MGAT4C: variants seen among roughly 807,000 people sequenced by gnomAD.
MGAT4C encodes the protein alpha-1,3-mannosyl-glycoprotein 4-beta-N-acetylglucosaminyltransferase C.
Under a neutral mutation model 40.1 loss-of-function variants are expected in MGAT4C, and 19 were observed. The observed-to-expected ratio is 0.47, with a 90% CI of 0.33 to 0.70. MGAT4C has a LOEUF of 0.70. MGAT4C is among the 30% of genes least tolerant of loss of function. MGAT4C has a pLI of 0.02. For synonymous variants in MGAT4C, 181 were observed against 187.1 expected, an observed-to-expected ratio of 0.97 and a Z score of 0.27; for missense variants, 491 against 563.2, an observed-to-expected ratio of 0.87 and a Z score of 1.30.
chr12:86,790,883 G>A (rs1444961315), intron 1 of MGAT4C, among the ~76,000 whole-genome samples: 1 of 151,980 alleles, frequency 6.6e-6, no homozygotes, highest in African/African-American at 2.4e-5. Context: ...CAAATACCCA[G>A]TGTTTTTAAT....
chr12:86,131,622 CT>C (rs1175901494), intron 1 of MGAT4C, among the ~76,000 whole-genome samples: 2 of 151,844 alleles, frequency 1.3e-5, no homozygotes, highest in Non-Finnish European at 2.9e-5. Context: ...TGAATTTTTA[CT>C]GGCTTTATGT....
intron 1 of MGAT4C, among the ~76,000 whole-genome samples, chr12:86,835,837 C>T (rs751667076): frequency 6.6e-5 from 10 of 151,746 alleles, no homozygotes; most frequent in Admixed American, 3.9e-4. Flanking sequence ...TATACATTTA[C>T]ACAGCCAAAA....
chr12:85,992,449 G>A (rs1311084817), intron 2 of MGAT4C, among the ~76,000 whole-genome samples: 1 of 152,206 alleles, frequency 6.6e-6, no homozygotes, highest in Non-Finnish European at 1.5e-5. Flanking sequence ...TTAGGGTGTT[G>A]GCACTTGGAC....
At chr12:86,030,738 C>A (rs951486524) in intron 2 of MGAT4C, among the ~76,000 whole-genome samples, 3 of 151,520 alleles carry the variant, frequency 2.0e-5, no homozygotes, top group Non-Finnish European at 4.4e-5. Context: ...GCAAAATGGG[C>A]TAAAACTGAT....
intron 1 of MGAT4C, among the ~76,000 whole-genome samples, chr12:86,122,088 CTATAAT>C (rs1008818693): frequency 3.9e-5 from 6 of 152,188 alleles, no homozygotes; most frequent in Non-Finnish European, 7.4e-5. Context: ...ACTCGAGCTG[CTATAAT>C]TATAAACTGT....
rs191103338 is a variant in MGAT4C at position 86,565,473 on chromosome 12, C to T, written c.-228-130208G>A. On this transcript the variant is annotated intron_variant, in intron 2 of 7. Coordinates refer to the MGAT4C transcript ENST00000548651. The stretch of plus-strand genomic sequence containing the variant: ...GCACTACAGCCCATTTCTAGGACAT[C>T]CCTGAAGGTCAGTGGCAAAGAGAAG... Among the ~76,000 whole-genome samples the T allele has an allele frequency of 1.4e-4, 21 of 152,310 alleles. 1 individual carries two copies. The East Asian group carries it at 4.1e-3, about 29-fold the overall frequency.
chr12:86,663,282 C>T (rs1173195407), intron 2 of MGAT4C, among the ~76,000 whole-genome samples: 1 of 146,130 alleles, frequency 6.8e-6, no homozygotes, highest in Non-Finnish European at 1.5e-5. Context: ...ATTACCTGAG[C>T]CCTGGAGTTA....
intron 1 of MGAT4C, among the ~76,000 whole-genome samples, chr12:86,137,166 C>T (rs1004638724): frequency 6.6e-6 from 1 of 152,096 alleles, no homozygotes; most frequent in African/African-American, 2.4e-5. Context: ...TTCAGCATCC[C>T]ATTCATATTC....
chr12:86,238,417 A>T (rs1220050438), intron 1 of MGAT4C, among the ~76,000 whole-genome samples: 2 of 152,052 alleles, frequency 1.3e-5, no homozygotes, highest in Non-Finnish European at 1.5e-5. Context: ...ATCATAAAAA[A>T]ATCATTACAG....
intron 1 of MGAT4C, among the ~76,000 whole-genome samples, chr12:86,832,414 G>A (rs1952947369): frequency 6.6e-6 from 1 of 151,522 alleles, no homozygotes; most frequent in Non-Finnish European, 1.5e-5. Context: ...TAAGTCTGAC[G>A]TATTTATCCA....
intron 3 of MGAT4C, among the ~76,000 whole-genome samples, chr12:86,377,219 C>A (rs1189793832): frequency 6.6e-6 from 1 of 152,048 alleles, no homozygotes; most frequent in Non-Finnish European, 1.5e-5. Flanking sequence ...GCCACCACGC[C>A]TGGCTAATTT....
At chr12:86,768,079 C>T (rs1951549709) in intron 1 of MGAT4C, among the ~76,000 whole-genome samples, 1 of 152,142 alleles carries the variant, frequency 6.6e-6, no homozygotes, top group African/African-American at 2.4e-5. Flanking sequence ...GTCAAATTAT[C>T]CCTGTTTGCA....
chr12:86,347,004 G>C (rs572681797), intron 3 of MGAT4C, among the ~76,000 whole-genome samples: 1 of 152,146 alleles, frequency 6.6e-6, no homozygotes, highest in South Asian at 2.1e-4. Context: ...CCAGTGGTTT[G>C]CCAGGGGCTC....
intron 2 of MGAT4C, among the ~76,000 whole-genome samples, chr12:86,590,211 G>T (rs1487952098): frequency 6.6e-6 from 1 of 151,128 alleles, no homozygotes; most frequent in African/African-American, 2.4e-5. Context: ...AATAAACCCT[G>T]TGTATGAACA....
At chr12:86,424,179 C>A (rs1956881413) in intron 3 of MGAT4C, among the ~76,000 whole-genome samples, 1 of 152,128 alleles carries the variant, frequency 6.6e-6, no homozygotes, top group South Asian at 2.1e-4. Flanking sequence ...ATTAGAAGAA[C>A]CTAGGTTCCA....
At chr12:86,285,948 T>C (rs1192089080) in intron 4 of MGAT4C, among the ~76,000 whole-genome samples, 1 of 152,090 alleles carries the variant, frequency 6.6e-6, no homozygotes, top group Non-Finnish European at 1.5e-5. Flanking sequence ...ACATTGATTA[T>C]AAGACATACC....
chr12:86,211,205 C>T (rs1555248901), intron 1 of MGAT4C, among the ~76,000 whole-genome samples: 1 of 147,008 alleles, frequency 6.8e-6, no homozygotes, highest in Non-Finnish European at 1.5e-5. Context: ...CCAATATGCA[C>T]ATATTGGAAT....
intron 1 of MGAT4C, among the ~76,000 whole-genome samples, chr12:86,210,859 A>G (rs1950432463): frequency 6.6e-6 from 1 of 152,138 alleles, no homozygotes; most frequent in South Asian, 2.1e-4. Flanking sequence ...TTTGACAGAT[A>G]GTTGATAACA....
chr12:86,773,360 T>G (rs1039585239), intron 1 of MGAT4C, among the ~76,000 whole-genome samples: 1 of 152,074 alleles, frequency 6.6e-6, no homozygotes, highest in African/African-American at 2.4e-5. Context: ...AAGCCTCCCC[T>G]TTTGGCCCTC....
Sources: allele counts gnomAD v4.1 joint callset (sites outside exome capture counted in the v4.1 genomes callset), GRCh38; gene constraint gnomAD v4.1.1; transcripts MANE v1.5; gene names NCBI Gene and HGNC (gene_info 2026-07-23, HGNC 2026-07-21).